Variants in NCKAP5 observed in about 807,000 individuals in gnomAD.
The protein encoded by NCKAP5 is nck-associated protein 5.
In NCKAP5, 92 loss-of-function variants were observed where a neutral mutation model predicts 167.0. The observed-to-expected ratio is 0.55, with a 90% confidence interval of 0.47 to 0.66. The LOEUF (loss-of-function observed/expected upper bound fraction) is 0.66. Among genes scored for constraint, NCKAP5 ranks in the 30% least tolerant of loss-of-function variants. The pLI is 0.00. For synonymous variants in NCKAP5, 891 were observed against 877.4 expected, an observed-to-expected ratio of 1.02 and a Z score of -0.27; for missense variants, 2,378 against 2,315.0, an observed-to-expected ratio of 1.03 and a Z score of -0.56.
At chr2:132,827,958 G>C (rs370525577) in intron 11 of NCKAP5, among the ~76,000 whole-genome samples, 1 of 152,080 alleles carries the variant, frequency 6.6e-6, no homozygotes, top group Non-Finnish European at 1.5e-5. Context: ...CGATATAATA[G>C]GTAAAACTTT....
chr2:133,140,866 T>C (rs1477566657), intron 5 of NCKAP5, among the ~76,000 whole-genome samples: 1 of 151,400 alleles, frequency 6.6e-6, no homozygotes, highest in Non-Finnish European at 1.5e-5. Flanking sequence ...ATGTATATTA[T>C]AACCAATAAT....
rs143091699 is a variant in NCKAP5, at chr2:132,950,794, G to A, written c.579+12926C>T. Among the ~76,000 whole-genome samples, 1,122 of 152,238 alleles carry A rather than the reference G, an allele frequency of 7.4e-3. 8 individuals carry two copies. Among genetic ancestry groups the A allele is most frequent in the Non-Finnish European group, 0.011 (760 of 68,040 alleles). The stretch of plus-strand genomic sequence containing the variant: ...CCCCAAGCTACTACACTGTATGGGA[G>A]GCAGTCTCCTCTAAATGAATTCCTG... On this transcript the variant is annotated intron_variant, in intron 8 of 19. Transcript: ENST00000409261.
At chr2:133,647,713 AAAGGAAGGAAGGAAGG>A in the NCKAP5 span, among the ~76,000 whole-genome samples, 1 of 85,712 alleles carries the variant, frequency 1.2e-5, no homozygotes, top group Non-Finnish European at 2.1e-5. Flanking sequence ...AAAGAAAAAG[AAAGGAAGGAAGGAAGG>A]AAGGAAGGAA....
intron 6 of NCKAP5, among the ~76,000 whole-genome samples, chr2:133,014,230 C>A (rs1353730106): frequency 6.6e-6 from 1 of 152,176 alleles, no homozygotes; most frequent in Non-Finnish European, 1.5e-5. Flanking sequence ...TTATGTCTCC[C>A]TGTTCTTCCT....
intron 5 of NCKAP5, among the ~76,000 whole-genome samples, chr2:133,174,039 T>C (rs10206887): frequency 0.27 from 41,549 of 152,006 alleles, 5,706 homozygotes; most frequent in South Asian, 0.31. Context: ...AATTAAAGTG[T>C]TTATTTGAAT....
chr2:133,132,608 T>A (rs2082647248), intron 5 of NCKAP5, among the ~76,000 whole-genome samples: 1 of 151,972 alleles, frequency 6.6e-6, no homozygotes, highest in Admixed American at 6.6e-5. Flanking sequence ...ATGACGTGTA[T>A]TTCTATTAAT....
chr2:133,158,307 G>A (rs1246469636), intron 5 of NCKAP5, among the ~76,000 whole-genome samples: 2 of 152,146 alleles, frequency 1.3e-5, no homozygotes, highest in African/African-American at 4.8e-5. Context: ...ACAAACTGCT[G>A]CCTGCAGATA....
chr2:132,681,466 G>A (rs1007487970), intron 19 of NCKAP5, among the ~76,000 whole-genome samples: 8 of 151,688 alleles, frequency 5.3e-5, no homozygotes, highest in Admixed American at 2.0e-4. Context: ...TAAAAAGTCC[G>A]TGAACTTTTG....
At chr2:132,839,270 C>G (rs115416075) in intron 11 of NCKAP5, among the ~76,000 whole-genome samples, 340 of 152,272 alleles carry the variant, frequency 2.2e-3, no homozygotes, top group African/African-American at 7.4e-3. Flanking sequence ...TATGGTCTCT[C>G]ATATTATTTT....
At chr2:133,626,664 T>C in the NCKAP5 span, among the ~76,000 whole-genome samples, 2 of 152,098 alleles carry the variant, frequency 1.3e-5, no homozygotes, top group Non-Finnish European at 2.9e-5. Context: ...TCTTTATCTT[T>C]CAGAGACATA....
chr2:132,676,635 T>TTAA (rs1684534811), intron 19 of NCKAP5, among the ~76,000 whole-genome samples: 2 of 152,198 alleles, frequency 1.3e-5, no homozygotes, highest in African/African-American at 2.4e-5. Flanking sequence ...CAATAATGTG[T>TTAA]TAATGATCTA....
chr2:132,988,585 A>C (rs540788679), intron 7 of NCKAP5, among the ~76,000 whole-genome samples: 26 of 152,114 alleles, frequency 1.7e-4, no homozygotes, highest in Non-Finnish European at 7.4e-5. Flanking sequence ...GGGTTGTCTG[A>C]ATCTGCTGCC....
chr2:133,062,837 T>A (rs978264853), intron 6 of NCKAP5, among the ~76,000 whole-genome samples: 1 of 152,190 alleles, frequency 6.6e-6, no homozygotes, highest in Non-Finnish European at 1.5e-5. Flanking sequence ...TACATAGAAA[T>A]CTTTATAAAA....
At chr2:133,364,409 A>C (rs1331833740) in intron 3 of NCKAP5, among the ~76,000 whole-genome samples, 1 of 152,138 alleles carries the variant, frequency 6.6e-6, no homozygotes. Context: ...ACTTCAAGAA[A>C]ATTTGCAAAC....
intron 10 of NCKAP5, among the ~76,000 whole-genome samples, chr2:132,865,319 C>T (rs1041213547): frequency 4.6e-5 from 7 of 152,144 alleles, no homozygotes; most frequent in African/African-American, 1.7e-4. Context: ...GATTAAACCA[C>T]TTATAATGAG....
At chr2:133,173,940 TA>T (rs1177944957) in intron 5 of NCKAP5, among the ~76,000 whole-genome samples, 2 of 152,180 alleles carry the variant, frequency 1.3e-5, no homozygotes, top group Non-Finnish European at 2.9e-5. Context: ...GGAGAGGGGA[TA>T]AACAGAATGG....
chr2:133,317,614 G>A (rs966645968), intron 3 of NCKAP5, among the ~76,000 whole-genome samples: 35 of 152,164 alleles, frequency 2.3e-4, no homozygotes, highest in African/African-American at 8.4e-4. Flanking sequence ...CAACTCAGAG[G>A]GCTTCTAATG....
chr2:132,832,853 T>A (rs1443806866), intron 11 of NCKAP5, among the ~76,000 whole-genome samples: 6 of 152,184 alleles, frequency 3.9e-5, no homozygotes, highest in Non-Finnish European at 8.8e-5. Flanking sequence ...CTTTTTTGTA[T>A]ACGGATTTAT....
intron 8 of NCKAP5, among the ~76,000 whole-genome samples, chr2:132,890,998 C>T (rs1478932507): frequency 6.6e-6 from 1 of 152,170 alleles, no homozygotes; most frequent in African/African-American, 2.4e-5. Flanking sequence ...TTAGGACCAG[C>T]ACAAGACACT....
Sources: gnomAD v4.1 joint callset for allele counts (sites outside exome capture counted in the v4.1 genomes callset) on GRCh38, gnomAD v4.1.1 for gene constraint, MANE v1.5 for transcripts, NCBI Gene and HGNC (gene_info 2026-07-23, HGNC 2026-07-21) for gene names.